GRIP1: variants seen among roughly 807,000 people sequenced by gnomAD.
The protein encoded by GRIP1 is glutamate receptor-interacting protein 1.
A neutral mutation model predicts 129.9 loss-of-function variants in GRIP1; 45 were observed. The ratio of observed to expected loss-of-function variants is 0.35; its 90% CI spans 0.27 to 0.44. The LOEUF (loss-of-function observed/expected upper bound fraction) is 0.44. GRIP1 is among the 20% of genes least tolerant of loss of function. GRIP1 has a pLI of 1.00. For synonymous variants in GRIP1, 530 were observed against 520.8 expected (o/e 1.02, Z -0.24); for missense variants, 1,196 against 1,396.8 (o/e 0.86, Z 2.29).
At position 66,881,626 on chromosome 12, in the gene GRIP1, A is replaced by T. The variant is rs77006124; in HGVS notation, c.58+187424T>A. 8.2e-3 allele frequency among the ~76,000 whole-genome samples: 1,255 copies of T among 152,162 alleles called. 19 individuals carry two copies. The highest frequency in any genetic ancestry group is 0.029 in the African/African-American group (1,189 of 41,520). On this transcript the variant is annotated intron_variant, in intron 1 of 1. Coordinates refer to the GRIP1 transcript ENST00000643019. ...ACAATCCAAGGATTGCAGAAATGAA[A>T]CTCACAGACATTATTACAAAGGAGG...
chr12:66,362,298 C>T (rs2054823978), intron 23 of GRIP1, among the ~76,000 whole-genome samples: 1 of 151,674 alleles, frequency 6.6e-6, no homozygotes, highest in Non-Finnish European at 1.5e-5. Flanking sequence ...GGATTACGGG[C>T]CTGCACCACC....
chr12:66,592,732 C>G lies in GRIP1; in HGVS notation c.136+4115G>C, dbSNP rs1186037091. Among the ~76,000 whole-genome samples, 9 of 152,184 alleles carry G rather than the reference C, an allele frequency of 5.9e-5. 1 individual carries two copies. In the East Asian group the frequency reaches 1.7e-3, roughly 29 times the overall value. ...ACAGACATTATTAAATGCCTCATCT[C>G]TAAGTGGGCAAGACCACAAATTATT... On this transcript the variant is annotated intron_variant, in intron 2 of 24. Transcript: ENST00000359742.
At chr12:66,475,469 C>G (rs1009566583) in intron 7 of GRIP1, among the ~76,000 whole-genome samples, 5 of 152,142 alleles carry the variant, frequency 3.3e-5, no homozygotes, top group Admixed American at 3.3e-4. Context: ...CAGCTCTGCA[C>G]CAAGCAGACC....
chr12:67,041,546 G>A (rs1279208931), intron 1 of GRIP1, among the ~76,000 whole-genome samples: 1 of 152,002 alleles, frequency 6.6e-6, no homozygotes, highest in Non-Finnish European at 1.5e-5. Flanking sequence ...AGACAGAAAG[G>A]AAGACATAAT....
chr12:66,903,296 A>AT (rs5798846), intron 1 of GRIP1, among the ~76,000 whole-genome samples: 34,289 of 143,472 alleles, frequency 0.24, 4,042 homozygotes, highest in African/African-American at 0.27. Context: ...GTGCTGCAGT[A>AT]TTTTTTTTTT....
intron 7 of GRIP1, among the ~76,000 whole-genome samples, chr12:66,472,355 A>T (rs750972024): frequency 4.6e-5 from 7 of 152,164 alleles, no homozygotes; most frequent in Non-Finnish European, 8.8e-5. Flanking sequence ...GAAGGTGGGG[A>T]GTAGTGCTGA....
At chr12:66,948,933 T>C (rs1217734713) in intron 1 of GRIP1, among the ~76,000 whole-genome samples, 1 of 152,194 alleles carries the variant, frequency 6.6e-6, no homozygotes. Flanking sequence ...TTTAAACCAA[T>C]GTTAGAGAAT....
intron 4 of GRIP1, among the ~76,000 whole-genome samples, chr12:66,537,713 G>C (rs1178065748): frequency 6.6e-6 from 1 of 152,134 alleles, no homozygotes. Context: ...TGGCTTAGGT[G>C]GCAAACAGAA....
At chr12:66,566,000 A>G (rs145010033) in intron 2 of GRIP1, among the ~76,000 whole-genome samples, 35,204 of 152,198 alleles carry the variant, frequency 0.23, 4,356 homozygotes, top group Admixed American at 0.27. Context: ...GAAGTTGCTT[A>G]TCAGCTTAAT....
At chr12:66,916,456 C>G (rs1302130752) in intron 1 of GRIP1, among the ~76,000 whole-genome samples, 1 of 152,218 alleles carries the variant, frequency 6.6e-6, no homozygotes, top group African/African-American at 2.4e-5. Context: ...TGAGTTTGTA[C>G]AGACAACAGT....
intron 1 of GRIP1, among the ~76,000 whole-genome samples, chr12:66,800,178 G>A (rs2038817748): frequency 6.6e-6 from 1 of 152,026 alleles, no homozygotes; most frequent in African/African-American, 2.4e-5. Context: ...TATTCAGAAG[G>A]TCTAAGCCAT....
intron 19 of GRIP1, among the ~76,000 whole-genome samples, chr12:66,391,496 G>T (rs1330168046): frequency 1.3e-5 from 2 of 152,182 alleles, no homozygotes; most frequent in Admixed American, 6.5e-5. Flanking sequence ...ACATGACGAT[G>T]ACACCTATGA....
intron 1 of GRIP1, among the ~76,000 whole-genome samples, chr12:66,735,716 G>C (rs1378309106): frequency 6.6e-6 from 1 of 152,172 alleles, no homozygotes; most frequent in Non-Finnish European, 1.5e-5. Flanking sequence ...CCATCAAGAA[G>C]TAGTCTGAGA....
intron 1 of GRIP1, among the ~76,000 whole-genome samples, chr12:66,830,018 A>G (rs1228629600): frequency 6.6e-6 from 1 of 152,204 alleles, no homozygotes; most frequent in Non-Finnish European, 1.5e-5. Context: ...TCCACATACC[A>G]TGCTGCAGGC....
chr12:66,425,590 A>G (rs1378018204), intron 14 of GRIP1, among the ~76,000 whole-genome samples: 1 of 152,220 alleles, frequency 6.6e-6, no homozygotes, highest in Non-Finnish European at 1.5e-5. Context: ...CAACAAAGAT[A>G]GACTGGATTA....
intron 7 of GRIP1, among the ~76,000 whole-genome samples, chr12:66,511,989 T>C (rs1263176488): frequency 2.0e-5 from 3 of 152,114 alleles, no homozygotes; most frequent in African/African-American, 7.2e-5. Flanking sequence ...GTTCTCATGA[T>C]AGTGAGTGAG....
At chr12:66,439,169 C>T (rs890174173) in intron 13 of GRIP1, among the ~76,000 whole-genome samples, 1 of 152,170 alleles carries the variant, frequency 6.6e-6, no homozygotes, top group Non-Finnish European at 1.5e-5. Context: ...TCTTACTCCC[C>T]TCCTAATTCT....
chr12:66,964,241 T>C (rs2041964361), intron 1 of GRIP1, among the ~76,000 whole-genome samples: 1 of 152,168 alleles, frequency 6.6e-6, no homozygotes, highest in African/African-American at 2.4e-5. Flanking sequence ...GTGTGCCAGG[T>C]ACTATTCTAA....
At chr12:66,875,456 G>A (rs577025427) in intron 1 of GRIP1, among the ~76,000 whole-genome samples, 10 of 152,164 alleles carry the variant, frequency 6.6e-5, no homozygotes, top group African/African-American at 2.4e-4. Flanking sequence ...CCATCTTCAT[G>A]CAAGTTCCTT....
Sources: allele counts gnomAD v4.1 joint callset (sites outside exome capture counted in the v4.1 genomes callset), GRCh38; gene constraint gnomAD v4.1.1; transcripts MANE v1.5; gene names NCBI Gene and HGNC (gene_info 2026-07-23, HGNC 2026-07-21).